CIROP: variants seen among roughly 807,000 people sequenced by gnomAD.
CIROP encodes the protein ciliated left-right organizer metallopeptidase.
At chr14:23,103,159 C>T in the CIROP span, 1 of 441,754 alleles carries the variant, frequency 2.3e-6, no homozygotes, top group South Asian at 7.6e-5. Context: ...CAGAACTCTG[C>T]AGGAGTGGTA....
At chr14:23,101,835 C>G in the CIROP span, 1 of 702,856 alleles carries the variant, frequency 1.4e-6, no homozygotes, top group Non-Finnish European at 2.6e-6. Flanking sequence ...CCACTCAGCA[C>G]ACACACCTGC....
chr14:23,100,596 C>T, the CIROP span: 4 of 402,606 alleles, frequency 9.9e-6, no homozygotes, highest in East Asian at 1.4e-4. Context: ...AGTGTAGCAA[C>T]TGAAGGCCCT....
the CIROP span, chr14:23,101,879 A>C: frequency 2.8e-6 from 2 of 702,572 alleles, no homozygotes; most frequent in Non-Finnish European, 5.2e-6. Context: ...CCAGTCCCAC[A>C]TGTGGTCACC....
At chr14:23,103,198 C>T in the CIROP span, 1 of 423,420 alleles carries the variant, frequency 2.4e-6, no homozygotes, top group Non-Finnish European at 4.1e-6. Flanking sequence ...TGGGGGTAGC[C>T]TTTACCCAAA....
chr14:23,099,818 G>A, the CIROP span: 1 of 190,674 alleles, frequency 5.2e-6, no homozygotes, highest in Non-Finnish European at 1.2e-5. Context: ...AGGGACTATC[G>A]AACCTTAAAG....
chr14:23,100,931 C>T, the CIROP span: 2 of 398,884 alleles, frequency 5.0e-6, no homozygotes, highest in African/African-American at 4.1e-5. Flanking sequence ...CAGAGAGTGT[C>T]CTGGAGGCCC....
At chr14:23,102,546 A>C in the CIROP span, 2 of 699,764 alleles carry the variant, frequency 2.9e-6, no homozygotes, top group South Asian at 3.0e-5. Flanking sequence ...GGGTGAAGTA[A>C]AATTAGAAGG....
At chr14:23,100,719 T>TCA in the CIROP span, 1 of 398,950 alleles carries the variant, frequency 2.5e-6, no homozygotes, top group Non-Finnish European at 4.4e-6. Context: ...GAGATATAGT[T>TCA]CCTGGCAGAG....
At chr14:23,102,307 C>T in the CIROP span, 1 of 702,368 alleles carries the variant, frequency 1.4e-6, no homozygotes, top group Non-Finnish European at 2.6e-6. Flanking sequence ...GCTGGCTACT[C>T]CTTTCTTCCA....
the CIROP span, chr14:23,101,732 C>T: frequency 1.4e-6 from 1 of 702,978 alleles, no homozygotes; most frequent in South Asian, 1.5e-5. Flanking sequence ...AGCAGCTTCC[C>T]TTGTCCAGGT....
chr14:23,103,051 G>T, the CIROP span: 1 of 542,132 alleles, frequency 1.8e-6, no homozygotes, highest in Admixed American at 3.4e-5. Flanking sequence ...ATGACAGAGG[G>T]CTGTGGATGG....
At chr14:23,101,371 T>G in the CIROP span, 1 of 552,188 alleles carries the variant, frequency 1.8e-6, no homozygotes, top group Non-Finnish European at 3.2e-6. Context: ...CCCTGTGCAT[T>G]GATGTAAGTA....
the CIROP span, chr14:23,101,526 C>T: frequency 1.5e-6 from 1 of 647,196 alleles, no homozygotes; most frequent in Middle Eastern, 2.6e-4. Context: ...GATTATCCAC[C>T]CCAGCAGGGA....
the CIROP span, chr14:23,103,690 G>A: frequency 2.1e-3 from 1,457 of 702,828 alleles, 30 homozygotes; most frequent in East Asian, 0.034. Context: ...GGTGGCACTT[G>A]GAAGTGTGAG....
At chr14:23,100,397 G>C in the CIROP span, 2 of 411,944 alleles carry the variant, frequency 4.9e-6, no homozygotes, top group Non-Finnish European at 4.4e-6. Flanking sequence ...TCTCTGAAAC[G>C]CAACCCTGTC....
At chr14:23,101,966 C>T in the CIROP span, 3 of 701,308 alleles carry the variant, frequency 4.3e-6, no homozygotes, top group East Asian at 2.7e-5. Context: ...CCCAAACATC[C>T]TTCAGCACCA....
the CIROP span, chr14:23,104,360 T>C: frequency 8.5e-6 from 6 of 702,130 alleles, no homozygotes; most frequent in Admixed American, 6.0e-5. Context: ...AAGAATTACA[T>C]ACATTGTCAA....
the CIROP span, chr14:23,099,683 C>G: frequency 1.1e-5 from 4 of 361,206 alleles, no homozygotes; most frequent in Non-Finnish European, 2.0e-5. Context: ...CCTCAACCTT[C>G]CGAATAGCTG....
chr14:23,103,859 A>C, the CIROP span: 1 of 691,154 alleles, frequency 1.4e-6, no homozygotes, highest in East Asian at 2.7e-5. Context: ...AGGGGCTGGA[A>C]CAGTAGGAAA....
Sources: allele counts gnomAD v4.1 joint callset, GRCh38; gene constraint gnomAD v4.1.1; transcripts MANE v1.5; gene names NCBI Gene and HGNC (gene_info 2026-07-23, HGNC 2026-07-21).